Variants in AGBL4 observed in about 807,000 individuals in gnomAD.
The protein encoded by AGBL4 is AGBL carboxypeptidase 4, also known as cytosolic carboxypeptidase 6.
In AGBL4, 58 loss-of-function variants were observed where a neutral mutation model predicts 66.4. The observed-to-expected ratio is 0.87, with a 90% CI of 0.71 to 1.09. The LOEUF is 1.09. Among genes scored for constraint, AGBL4 ranks in the 50% least tolerant of loss-of-function variants. The probability of loss-of-function intolerance (pLI) is 0.00; values close to 1 mark genes in which losing one functional copy is unlikely to be tolerated. For synonymous variants in AGBL4, 234 were observed against 222.9 expected (o/e 1.05, Z -0.44); for missense variants, 579 against 631.0 (o/e 0.92, Z 0.88).
At chr1:48,718,069 A>G (rs1402894111) in intron 6 of AGBL4, among the ~76,000 whole-genome samples, 4 of 152,232 alleles carry the variant, frequency 2.6e-5, no homozygotes, top group Admixed American at 2.0e-4. Context: ...TTCTCACTCA[A>G]AATGAACGAG....
chr1:49,840,678 A>T (rs1445785924), intron 2 of AGBL4, among the ~76,000 whole-genome samples: 1 of 152,330 alleles, frequency 6.6e-6, no homozygotes, highest in East Asian at 1.9e-4. Context: ...ACCACAATCA[A>T]GCAGGCTTTA....
chr1:49,955,517 T>G (rs2148332111), intron 1 of AGBL4, among the ~76,000 whole-genome samples: 1 of 152,044 alleles, frequency 6.6e-6, no homozygotes, highest in South Asian at 2.1e-4. Context: ...CTATATATTC[T>G]AATGAGATCT....
chr1:49,684,515 T>C (rs74740740), intron 3 of AGBL4, among the ~76,000 whole-genome samples: 3,355 of 152,234 alleles, frequency 0.022, 62 homozygotes, highest in Non-Finnish European at 0.034. Context: ...AATTCCTCAG[T>C]GTGAAGCTCA....
At chr1:49,272,106 A>C (rs953645931) in intron 3 of AGBL4, among the ~76,000 whole-genome samples, 11 of 152,192 alleles carry the variant, frequency 7.2e-5, no homozygotes, top group African/African-American at 2.4e-4. Flanking sequence ...TTGTGCACTT[A>C]GTTTTAAAAA....
At chr1:48,826,220 A>C (rs758152155) in intron 6 of AGBL4, among the ~76,000 whole-genome samples, 10 of 152,186 alleles carry the variant, frequency 6.6e-5, no homozygotes, top group Non-Finnish European at 1.2e-4. Context: ...AGCCTCAGCT[A>C]CTATCACATG....
chr1:50,004,839 T>G (rs1226380740), intron 1 of AGBL4, among the ~76,000 whole-genome samples: 1 of 152,024 alleles, frequency 6.6e-6, no homozygotes. Flanking sequence ...CACTCCCAGC[T>G]GTGGTGGCTA....
chr1:49,926,352 T>C (rs1323233404), intron 1 of AGBL4, among the ~76,000 whole-genome samples: 2 of 152,166 alleles, frequency 1.3e-5, no homozygotes, highest in African/African-American at 4.8e-5. Context: ...CAGAAACAGC[T>C]GCAGTGACCG....
At chr1:49,252,160 A>G (rs145677546) in intron 3 of AGBL4, among the ~76,000 whole-genome samples, 2 of 152,284 alleles carry the variant, frequency 1.3e-5, no homozygotes, top group African/African-American at 4.8e-5. Flanking sequence ...TAAAAATCAC[A>G]GTAAAGTAAC....
At chr1:49,516,276 A>C (rs1649816367) in intron 3 of AGBL4, among the ~76,000 whole-genome samples, 1 of 152,042 alleles carries the variant, frequency 6.6e-6, no homozygotes, top group Non-Finnish European at 1.5e-5. Context: ...GGTGTTATAA[A>C]GGAAAGTCCA....
At chr1:49,526,049 G>A (rs1470406488) in intron 3 of AGBL4, among the ~76,000 whole-genome samples, 3 of 151,650 alleles carry the variant, frequency 2.0e-5, no homozygotes, top group African/African-American at 2.4e-5. Context: ...AGCCGAGATC[G>A]CACCACTGCA....
At chr1:48,816,465 A>C (rs1288333542) in intron 6 of AGBL4, among the ~76,000 whole-genome samples, 1 of 152,156 alleles carries the variant, frequency 6.6e-6, no homozygotes, top group Non-Finnish European at 1.5e-5. Flanking sequence ...TAAGATAAGG[A>C]ATAGGTATAT....
intron 5 of AGBL4, among the ~76,000 whole-genome samples, chr1:48,879,830 G>A (rs1649598133): frequency 6.6e-6 from 1 of 152,122 alleles, no homozygotes; most frequent in South Asian, 2.1e-4. Flanking sequence ...CTGAGCTTTT[G>A]ATTCTGAAGC....
intron 1 of AGBL4, 41 bp from the exon 2 acceptor site, chr1:49,851,559 C>A (rs1646307045): frequency 6.5e-7 from 1 of 1,536,592 alleles, no homozygotes; most frequent in Non-Finnish European, 8.8e-7. Context: ...GTATATTCGG[C>A]AATTGAAGTC....
intron 2 of AGBL4, among the ~76,000 whole-genome samples, chr1:49,808,864 T>C (rs1645033611): frequency 6.6e-6 from 1 of 152,200 alleles, no homozygotes; most frequent in South Asian, 2.1e-4. Context: ...TATGGTAATT[T>C]ACCTTCACAT....
intron 1 of AGBL4, chr1:50,017,104 C>T (rs1662044121): frequency 6.6e-6 from 1 of 152,032 alleles, no homozygotes. Context: ...AATAAATCCC[C>T]GCTCTACAGA....
At chr1:49,778,225 T>C (rs1333100787) in intron 2 of AGBL4, among the ~76,000 whole-genome samples, 4 of 152,156 alleles carry the variant, frequency 2.6e-5, no homozygotes, top group African/African-American at 7.2e-5. Flanking sequence ...GGAAGTTCTA[T>C]GCCAACATGG....
intron 3 of AGBL4, among the ~76,000 whole-genome samples, chr1:49,429,462 G>T (rs1645735540): frequency 6.6e-6 from 1 of 152,122 alleles, no homozygotes; most frequent in Non-Finnish European, 1.5e-5. Flanking sequence ...AATTTTCTAT[G>T]CTATAATATA....
At chr1:49,769,738 T>C (rs1207058405) in intron 2 of AGBL4, among the ~76,000 whole-genome samples, 1 of 152,178 alleles carries the variant, frequency 6.6e-6, no homozygotes, top group South Asian at 2.1e-4. Flanking sequence ...TAAATGGTGG[T>C]GGGATAACTG....
intron 4 of AGBL4, among the ~76,000 whole-genome samples, chr1:49,198,747 T>C (rs915260712): frequency 7.6e-5 from 11 of 144,874 alleles, no homozygotes; most frequent in African/African-American, 2.8e-4. Context: ...AAAACTTGCG[T>C]TTTTTTTTTT....
Sources: gnomAD v4.1 joint callset for allele counts (sites outside exome capture counted in the v4.1 genomes callset) on GRCh38, gnomAD v4.1.1 for gene constraint, MANE v1.5 for transcripts, NCBI Gene and HGNC (gene_info 2026-07-23, HGNC 2026-07-21) for gene names.